DECR1: variants seen among roughly 807,000 people sequenced by gnomAD.
The protein encoded by DECR1 is 2,4-dienoyl-CoA reductase [(3E)-enoyl-CoA-producing], mitochondrial.
A neutral mutation model predicts 38.8 loss-of-function variants in DECR1; 44 were observed. That is an observed-to-expected ratio of 1.13 (90% CI 0.89 to 1.46). DECR1 has a LOEUF of 1.46. Among genes scored for constraint, DECR1 ranks in the 40% most tolerant of loss-of-function variants. The pLI, the probability that DECR1 is intolerant of heterozygous loss-of-function variation, is 0.00. For missense variants in DECR1, 428 were observed against 405.5 expected (o/e 1.06, Z -0.48); for synonymous variants, 148 against 135.2 (o/e 1.09, Z -0.66).
intron 4 of DECR1, among the ~76,000 whole-genome samples, chr8:90,020,464 G>A (rs775228559): frequency 2.2e-4 from 33 of 152,128 alleles, no homozygotes; most frequent in Middle Eastern, 3.2e-3. Flanking sequence ...TCACGGCTCA[G>A]TGGAGCCTTG....
At chr8:90,006,091 T>G in intron 1 of DECR1, 1 of 649,490 alleles carries the variant, frequency 1.5e-6, no homozygotes, top group Non-Finnish European at 2.8e-6. Context: ...CCCAGGCACC[T>G]CCCATTAGAC....
At chr8:90,006,777 C>T (rs1812752530) in intron 1 of DECR1, among the ~76,000 whole-genome samples, 1 of 152,180 alleles carries the variant, frequency 6.6e-6, no homozygotes, top group African/African-American at 2.4e-5. Flanking sequence ...AACATCCAAA[C>T]ACCAGTGATG....
intron 5 of DECR1, chr8:90,030,356 C>G (rs1387659414): frequency 1.3e-5 from 2 of 152,178 alleles, no homozygotes; most frequent in Non-Finnish European, 1.5e-5. Flanking sequence ...TGTAAGTCTC[C>G]TTTTCCATCA....
chr8:90,024,405 C>T (rs1002286758), intron 5 of DECR1, among the ~76,000 whole-genome samples: 17 of 152,190 alleles, frequency 1.1e-4, no homozygotes, highest in African/African-American at 3.4e-4. Context: ...TTAATGATCG[C>T]CATTCTAACT....
At position 90,023,306 on chromosome 8, in the gene DECR1, G is replaced by A. The variant is rs189036692; in HGVS notation, c.565+2250G>A. Reference sequence around the variant, plus strand: ...GTTATTTTCTAGGTGTTTTCTTGTAGTATTTAGAAATACAATGGATTAGTT... The same window carrying A: ...GTTATTTTCTAGGTGTTTTCTTGTAATATTTAGAAATACAATGGATTAGTT... On this transcript the variant is annotated intron_variant, in intron 5 of 9. Transcript: ENST00000220764. Among the ~76,000 whole-genome samples the A allele has an allele frequency of 2.0e-5, 3 of 152,180 alleles. No individual in the cohort carries two copies. In the East Asian group the frequency reaches 5.8e-4, roughly 29 times the overall value.
intron 5 of DECR1, among the ~76,000 whole-genome samples, chr8:90,030,168 A>C: frequency 6.6e-6 from 1 of 152,152 alleles, no homozygotes; most frequent in East Asian, 1.9e-4. Context: ...ATGATAACCT[A>C]ATGTCACCGC....
chr8:90,017,615 G>T (rs1437768793), intron 2 of DECR1, among the ~76,000 whole-genome samples: 1 of 152,044 alleles, frequency 6.6e-6, no homozygotes, highest in Non-Finnish European at 1.5e-5. Flanking sequence ...TTCTGTACAC[G>T]AAGATGAAGT....
intron 1 of DECR1, among the ~76,000 whole-genome samples, chr8:90,016,100 A>G (rs1467464902): frequency 2.0e-5 from 3 of 152,224 alleles, no homozygotes; most frequent in Non-Finnish European, 4.4e-5. Flanking sequence ...GTTAACATAT[A>G]AAATAGGGCA....
intron 1 of DECR1, chr8:90,005,459 AG>A: frequency 2.2e-6 from 1 of 456,212 alleles, no homozygotes; most frequent in Non-Finnish European, 4.4e-6. Flanking sequence ...CTGAAAAATG[AG>A]TAAAGATGGA....
rs551007923 is a variant in DECR1, at chr8:90,045,287, A to AG, written c.885+293dup. On this transcript the variant is annotated intron_variant, in intron 8 of 9. Transcript: ENST00000220764. ...GGAATTCCCTTTCCTAGCCAAGGGA[A>AG]GCCCTGACAGATGGTACCTGGAAAA... Among the ~76,000 whole-genome samples the AG allele has an allele frequency of 4.3e-4, 66 of 152,194 alleles. No individual in the cohort carries two copies. In the East Asian group the frequency reaches 0.012, roughly 28 times the overall value.
chr8:90,023,875 A>T (rs1426613016), intron 5 of DECR1, among the ~76,000 whole-genome samples: 1 of 151,378 alleles, frequency 6.6e-6, no homozygotes, highest in Admixed American at 6.6e-5. Context: ...CTCTCCCCCA[A>T]CCCCATGACA....
rs888724898 is a variant in DECR1 at position 90,052,577 on chromosome 8, T to C, written c.*680T>C. 6.6e-6 allele frequency among the ~76,000 whole-genome samples: 1 copy of C among 152,128 alleles called. No individual in the cohort carries two copies. Among genetic ancestry groups the C allele is most frequent in the African/African-American group, 2.4e-5 (1 of 41,432 alleles). The stretch of plus-strand genomic sequence containing the variant: ...AAGTGTAGAGGAGGAAGTAATTCAT[T>C]CTGTCTCCAGAGTTTGGAGAATGTG... On this transcript the variant is annotated 3_prime_UTR_variant, in exon 10 of 10. Coordinates refer to ENST00000220764, the MANE Select transcript of DECR1 (RefSeq NM_001359.2).
At chr8:90,049,164 G>A (rs2130179817) in intron 8 of DECR1, among the ~76,000 whole-genome samples, 1 of 152,304 alleles carries the variant, frequency 6.6e-6, no homozygotes, top group East Asian at 1.9e-4. Context: ...CATAGTGTTG[G>A]AAGTTCTGGT....
intron 1 of DECR1, among the ~76,000 whole-genome samples, chr8:90,012,292 A>T (rs184651442): frequency 1.3e-5 from 2 of 152,012 alleles, no homozygotes; most frequent in African/African-American, 4.8e-5. Context: ...AGCTGGGACT[A>T]CAGGCGCATG....
At chr8:90,024,772 T>G (rs1209771363) in intron 5 of DECR1, among the ~76,000 whole-genome samples, 4 of 152,204 alleles carry the variant, frequency 2.6e-5, no homozygotes, top group Admixed American at 2.6e-4. Context: ...GCTTTTGGTG[T>G]TTTAGACATG....
intron 7 of DECR1, among the ~76,000 whole-genome samples, chr8:90,043,016 T>G (rs1813801077): frequency 6.7e-6 from 1 of 149,280 alleles, no homozygotes; most frequent in Non-Finnish European, 1.5e-5. Context: ...ATAATGTCAA[T>G]TTCAGTGTCT....
At chr8:90,007,654 A>G (rs1411094548) in intron 1 of DECR1, among the ~76,000 whole-genome samples, 1 of 152,248 alleles carries the variant, frequency 6.6e-6, no homozygotes, top group Non-Finnish European at 1.5e-5. Flanking sequence ...AGCAAACTTT[A>G]TATTATTACA....
Position 90,044,900 on chromosome 8 carries a change from G to A in DECR1, c.790G>A (p.Gly264Ser). The change falls in exon 8 of 10, where the codon GGC becomes AGC. Residue 264 changes from glycine to serine, a missense_variant. Transcript: ENST00000220764. The stretch of plus-strand genomic sequence containing the variant: ...TGGAACATTTGAGAAAGAAATGATT[G>A]GCAGAATTCCCTGTGGTCGCCTGGG... ...PTGTFEKEMI[G>S]RIPCGRLGTV... The A allele has an allele frequency of 6.2e-7, 1 of 1,613,168 alleles. No homozygotes were observed. Among genetic ancestry groups the A allele is most frequent in the Non-Finnish European group, 8.5e-7 (1 of 1,179,406 alleles).
intron 5 of DECR1, among the ~76,000 whole-genome samples, 175 bp from the exon 6 acceptor site, chr8:90,036,666 C>T (rs1026629554): frequency 1.7e-4 from 26 of 152,120 alleles, no homozygotes; most frequent in Admixed American, 4.6e-4. Context: ...AGTAGCAAGA[C>T]ATATCAATTT....
Sources: gnomAD v4.1 joint callset for allele counts (sites outside exome capture counted in the v4.1 genomes callset) on GRCh38, gnomAD v4.1.1 for gene constraint, MANE v1.5 for transcripts, NCBI Gene and HGNC (gene_info 2026-07-23, HGNC 2026-07-21) for gene names.